Variants in ITPR2 observed in about 807,000 individuals in gnomAD.
The protein encoded by ITPR2 is inositol 1,4,5-trisphosphate receptor type 2.
Under a neutral mutation model 317.1 loss-of-function variants are expected in ITPR2, and 207 were observed. That is an observed-to-expected ratio of 0.65 (90% CI 0.58 to 0.73). The LOEUF (loss-of-function observed/expected upper bound fraction) is 0.73. Ranked by LOEUF, ITPR2 falls within the 30% of genes least tolerant of loss-of-function variation. The pLI is 0.00. For missense variants in ITPR2, 2,613 were observed against 3,284.0 expected, an observed-to-expected ratio of 0.80 and a Z score of 4.99; for synonymous variants, 1,156 against 1,149.1, an observed-to-expected ratio of 1.01 and a Z score of -0.12.
chr12:26,483,145 T>A (rs16930829), intron 42 of ITPR2, among the ~76,000 whole-genome samples: 4,519 of 152,224 alleles, frequency 0.03, 222 homozygotes, highest in African/African-American at 0.1. Flanking sequence ...AACTGTGCCC[T>A]CCAAAATGTA....
intron 32 of ITPR2, among the ~76,000 whole-genome samples, chr12:26,592,572 A>G (rs1945733939): frequency 6.6e-6 from 1 of 152,214 alleles, no homozygotes; most frequent in East Asian, 1.9e-4. Context: ...AAGAAAAAGA[A>G]AAAAGTAGTA....
intron 37 of ITPR2, among the ~76,000 whole-genome samples, chr12:26,501,569 C>T (rs1235388875): frequency 1.3e-5 from 2 of 152,178 alleles, no homozygotes; most frequent in African/African-American, 2.4e-5. Flanking sequence ...TATGTGCACT[C>T]AGAAGATGCT....
At chr12:26,789,898 T>C (rs1950314519) in intron 2 of ITPR2, among the ~76,000 whole-genome samples, 1 of 152,240 alleles carries the variant, frequency 6.6e-6, no homozygotes, top group Admixed American at 6.5e-5. Context: ...ACAAGTAGCC[T>C]TTCACAGTTA....
At chr12:26,486,425 A>T in intron 40 of ITPR2, 65 bp from the exon 41 acceptor site, 4 of 1,337,066 alleles carry the variant, frequency 3.0e-6, no homozygotes, top group Non-Finnish European at 4.1e-6. Context: ...AAAAAAAAAA[A>T]ACAAACCAGG....
chr12:26,739,338 C>A (rs1399712092), intron 2 of ITPR2, among the ~76,000 whole-genome samples: 2 of 152,334 alleles, frequency 1.3e-5, no homozygotes, highest in East Asian at 1.9e-4. Flanking sequence ...TATGTCCACA[C>A]AAAGCATTGT....
intron 32 of ITPR2, among the ~76,000 whole-genome samples, chr12:26,594,383 G>A (rs902260463): frequency 1.3e-5 from 2 of 151,878 alleles, no homozygotes; most frequent in Non-Finnish European, 2.9e-5. Flanking sequence ...TACAGGCAGT[G>A]AAAGGAGGGA....
chr12:26,812,299 C>T (rs142538689), intron 1 of ITPR2, among the ~76,000 whole-genome samples: 1,857 of 152,094 alleles, frequency 0.012, 43 homozygotes, highest in African/African-American at 0.043. Context: ...CTAATACGGC[C>T]GGATGCGGTG....
At chr12:26,775,388 TA>T (rs1216300781) in intron 2 of ITPR2, among the ~76,000 whole-genome samples, 1 of 151,122 alleles carries the variant, frequency 6.6e-6, no homozygotes, top group African/African-American at 2.4e-5. Flanking sequence ...TGCAACAAGG[TA>T]AAAAGTAACA....
chr12:26,360,913 A>T (rs1336540907), intron 55 of ITPR2, among the ~76,000 whole-genome samples: 1 of 152,076 alleles, frequency 6.6e-6, no homozygotes, highest in East Asian at 1.9e-4. Context: ...ACTTATTGAG[A>T]ACTAACAACA....
At chr12:26,832,160 T>A (rs1225184206) in intron 1 of ITPR2, among the ~76,000 whole-genome samples, 1 of 152,000 alleles carries the variant, frequency 6.6e-6, no homozygotes, top group African/African-American at 2.4e-5. Context: ...AGGAAACTGC[T>A]CCAGCGAAGA....
At chr12:26,408,480 C>A (rs560435713) in intron 52 of ITPR2, among the ~76,000 whole-genome samples, 1 of 152,162 alleles carries the variant, frequency 6.6e-6, no homozygotes, top group Non-Finnish European at 1.5e-5. Flanking sequence ...TAAAGCCTAA[C>A]ATTTACAGGA....
intron 2 of ITPR2, among the ~76,000 whole-genome samples, chr12:26,751,739 G>A (rs7956691): frequency 0.16 from 24,478 of 151,876 alleles, 2,732 homozygotes; most frequent in Non-Finnish European, 0.24. Flanking sequence ...GGTGGTGGGC[G>A]CCTGTAGTCC....
chr12:26,517,700 T>C (rs1176004084), intron 37 of ITPR2, among the ~76,000 whole-genome samples: 2 of 152,062 alleles, frequency 1.3e-5, no homozygotes, highest in African/African-American at 4.8e-5. Context: ...TAGCCAGACA[T>C]GGTGGTGCCT....
At chr12:26,476,813 G>C in intron 44 of ITPR2, 99 bp downstream of exon 44, 1 of 698,362 alleles carries the variant, frequency 1.4e-6, no homozygotes, top group Non-Finnish European at 2.5e-6. Flanking sequence ...TCTTGGTAGA[G>C]CAATGAAAAT....
chr12:26,654,199 AT>A, intron 20 of ITPR2, 73 bp from the exon 21 acceptor site: 1 of 1,230,014 alleles, frequency 8.1e-7, no homozygotes, highest in Non-Finnish European at 1.1e-6. Context: ...TGAAATAAAC[AT>A]TGGCTTTTTT....
chr12:26,471,004 T>C (rs1383929793), intron 45 of ITPR2, among the ~76,000 whole-genome samples: 1 of 152,170 alleles, frequency 6.6e-6, no homozygotes, highest in African/African-American at 2.4e-5. Flanking sequence ...GACCATTTAG[T>C]GATATGGGAA....
intron 22 of ITPR2, among the ~76,000 whole-genome samples, chr12:26,628,454 AATG>A: frequency 6.6e-6 from 1 of 152,228 alleles, no homozygotes; most frequent in Non-Finnish European, 1.5e-5. Context: ...ATGAAGAGGT[AATG>A]ATGACGTCAT....
chr12:26,420,170 A>G (rs1940846358), intron 49 of ITPR2, among the ~76,000 whole-genome samples: 1 of 152,150 alleles, frequency 6.6e-6, no homozygotes, highest in Admixed American at 6.5e-5. Context: ...TTCTAGAATC[A>G]CTGCAGTAAT....
chr12:26,781,144 T>C (rs1329323333), intron 2 of ITPR2, among the ~76,000 whole-genome samples: 3 of 152,172 alleles, frequency 2.0e-5, no homozygotes, highest in Admixed American at 2.0e-4. Context: ...GGACTACAAA[T>C]GGCCCAGACC....
Sources: gnomAD v4.1 joint callset for allele counts (sites outside exome capture counted in the v4.1 genomes callset) on GRCh38, gnomAD v4.1.1 for gene constraint, MANE v1.5 for transcripts, NCBI Gene and HGNC (gene_info 2026-07-23, HGNC 2026-07-21) for gene names.